Variants in KCNIP1 observed in about 807,000 individuals in gnomAD.
KCNIP1 encodes potassium voltage-gated channel interacting protein 1, also known as A-type potassium channel modulatory protein KCNIP1.
Under a neutral mutation model 33.0 loss-of-function variants are expected in KCNIP1, and 18 were observed. That is an observed-to-expected ratio of 0.55 (90% confidence interval 0.38 to 0.81). The LOEUF is 0.81. Ranked by LOEUF, KCNIP1 falls within the 30% of genes least tolerant of loss-of-function variation. The pLI is 0.00. For missense variants in KCNIP1, 238 were observed against 271.6 expected (o/e 0.88, Z 0.87); for synonymous variants, 93 against 98.3 (o/e 0.95, Z 0.32).
At chr5:170,674,174 AG>A (rs1561756677) in intron 1 of KCNIP1, among the ~76,000 whole-genome samples, 3 of 63,136 alleles carry the variant, frequency 4.8e-5, no homozygotes, top group African/African-American at 1.0e-4. Context: ...GAAGGAAGGA[AG>A]GAAGGAAGGG....
chr5:170,445,736 A>G (rs1195851091), intron 1 of KCNIP1, among the ~76,000 whole-genome samples: 3 of 152,022 alleles, frequency 2.0e-5, no homozygotes, highest in African/African-American at 4.8e-5. Flanking sequence ...CCTTCTCACT[A>G]TCCCCCGCTC....
chr5:170,375,766 G>C (rs1290881844), intron 1 of KCNIP1: 2 of 152,252 alleles, frequency 1.3e-5, no homozygotes, highest in Non-Finnish European at 2.9e-5. Flanking sequence ...TAGTAACTTA[G>C]ATAGCACTTA....
intron 1 of KCNIP1, among the ~76,000 whole-genome samples, chr5:170,367,447 G>GAAAGAAAGAAA (rs1554086789): frequency 1.4e-5 from 2 of 142,874 alleles, no homozygotes; most frequent in Admixed American, 7.0e-5. Flanking sequence ...AGGAAAGAAA[G>GAAAGAAAGAAA]GAAAGAAAGA....
intron 1 of KCNIP1, among the ~76,000 whole-genome samples, chr5:170,711,075 G>A (rs547164578): frequency 1.3e-5 from 2 of 152,302 alleles, no homozygotes; most frequent in South Asian, 2.1e-4. Flanking sequence ...ACAAACCATC[G>A]TTAATTATGG....
intron 1 of KCNIP1, among the ~76,000 whole-genome samples, chr5:170,432,008 C>A (rs1755753554): frequency 6.6e-6 from 1 of 151,948 alleles, no homozygotes; most frequent in Non-Finnish European, 1.5e-5. Context: ...CATTTTATCT[C>A]TCTCTCTCTC....
At chr5:170,380,801 G>A (rs988153949) in intron 1 of KCNIP1, among the ~76,000 whole-genome samples, 6 of 152,218 alleles carry the variant, frequency 3.9e-5, no homozygotes, top group African/African-American at 1.2e-4. Context: ...TGGCTATGGA[G>A]TCAGACAGGC....
At chr5:170,421,290 C>T (rs1755484184) in intron 1 of KCNIP1, among the ~76,000 whole-genome samples, 1 of 152,198 alleles carries the variant, frequency 6.6e-6, no homozygotes, top group Admixed American at 6.5e-5. Flanking sequence ...TTTAAAGCAG[C>T]TCTTTAAAAA....
chr5:170,650,302 G>A (rs919203500), intron 1 of KCNIP1, among the ~76,000 whole-genome samples: 1 of 151,960 alleles, frequency 6.6e-6, no homozygotes, highest in Non-Finnish European at 1.5e-5. Flanking sequence ...GTTTCTTCAT[G>A]TCCTTTTTAA....
At chr5:170,624,476 T>G (rs1278075803) in intron 1 of KCNIP1, among the ~76,000 whole-genome samples, 1 of 152,110 alleles carries the variant, frequency 6.6e-6, no homozygotes, top group African/African-American at 2.4e-5. Context: ...TCTCTCGTTT[T>G]CCTTCCTCTC....
chr5:170,397,906 A>G (rs1754802638), intron 1 of KCNIP1, among the ~76,000 whole-genome samples: 2 of 152,232 alleles, frequency 1.3e-5, no homozygotes, highest in South Asian at 4.1e-4. Flanking sequence ...GCCAGGTTAT[A>G]GGTAGATTTA....
chr5:170,356,173 A>G (rs960158372), intron 1 of KCNIP1, among the ~76,000 whole-genome samples: 2 of 152,226 alleles, frequency 1.3e-5, no homozygotes, highest in Admixed American at 6.5e-5. Flanking sequence ...CTACATGGAT[A>G]CATTATGATT....
At chr5:170,589,710 TTGGTGTGGTGTGATGTGGTG>T (rs1479230526) in intron 1 of KCNIP1, among the ~76,000 whole-genome samples, 3 of 136,000 alleles carry the variant, frequency 2.2e-5, no homozygotes, top group African/African-American at 8.5e-5. Flanking sequence ...TCTGTTTGGT[TTGGTGTGGTGTGATGTGGTG>T]TGGTGTGGTG....
intron 1 of KCNIP1, among the ~76,000 whole-genome samples, chr5:170,707,033 C>A (rs1273261635): frequency 6.6e-6 from 1 of 152,066 alleles, no homozygotes; most frequent in African/African-American, 2.4e-5. Flanking sequence ...TTCTCCACTG[C>A]CACCTGAATT....
intron 1 of KCNIP1, among the ~76,000 whole-genome samples, chr5:170,482,896 C>T (rs1043603075): frequency 1.3e-5 from 2 of 152,162 alleles, no homozygotes; most frequent in African/African-American, 2.4e-5. Flanking sequence ...CATTTTGGTG[C>T]TATTGTCCCA....
At chr5:170,492,950 A>G (rs1321300890) in intron 1 of KCNIP1, among the ~76,000 whole-genome samples, 1 of 152,118 alleles carries the variant, frequency 6.6e-6, no homozygotes, top group Non-Finnish European at 1.5e-5. Flanking sequence ...GGGTTTCACC[A>G]TGCTGGCCAG....
intron 1 of KCNIP1, among the ~76,000 whole-genome samples, chr5:170,520,593 G>A (rs924166853): frequency 1.1e-5 from 1 of 89,548 alleles, no homozygotes; most frequent in Non-Finnish European, 2.0e-5. Flanking sequence ...CAAAACTTTA[G>A]GGGAATGCAT....
At chr5:170,488,258 A>C (rs919144518) in intron 1 of KCNIP1, among the ~76,000 whole-genome samples, 1 of 152,188 alleles carries the variant, frequency 6.6e-6, no homozygotes, top group Admixed American at 6.5e-5. Flanking sequence ...TCAGGGTTTC[A>C]TCAGATCTTC....
chr5:170,462,047 C>T (rs1291794501), intron 1 of KCNIP1, among the ~76,000 whole-genome samples: 7 of 152,026 alleles, frequency 4.6e-5, no homozygotes, highest in Non-Finnish European at 7.4e-5. Context: ...TCTAGACATT[C>T]GCTTAGGCAA....
intron 1 of KCNIP1, among the ~76,000 whole-genome samples, chr5:170,571,187 C>G (rs576975010): frequency 1.3e-5 from 2 of 152,358 alleles, no homozygotes; most frequent in East Asian, 1.9e-4. Context: ...CCTCTTCCCC[C>G]ACATTGTCTT....
Sources: gnomAD v4.1 joint callset for allele counts (sites outside exome capture counted in the v4.1 genomes callset) on GRCh38, gnomAD v4.1.1 for gene constraint, MANE v1.5 for transcripts, NCBI Gene and HGNC (gene_info 2026-07-23, HGNC 2026-07-21) for gene names.